The following PCP4L1 variants were observed in gnomAD, a reference collection of about 807,000 sequenced individuals.
PCP4L1 encodes the protein Purkinje cell protein 4-like protein 1.
PCP4L1 carries 9 observed loss-of-function variants against 9.6 expected under a neutral mutation model. The ratio of observed to expected loss-of-function variants is 0.94; its 90% CI spans 0.57 to 1.64. The LOEUF (loss-of-function observed/expected upper bound fraction) is 1.64. Ranked by LOEUF, PCP4L1 falls within the 40% of genes most tolerant of loss-of-function variation. PCP4L1 has a pLI of 0.00. For missense variants in PCP4L1, 81 were observed against 80.8 expected, an observed-to-expected ratio of 1.00 and a Z score of -0.01; for synonymous variants, 31 against 28.2, an observed-to-expected ratio of 1.10 and a Z score of -0.31.
chr1:161,276,406 G>A (rs192230145), intron 1 of PCP4L1, among the ~76,000 whole-genome samples: 138 of 152,262 alleles, frequency 9.1e-4, no homozygotes, highest in African/African-American at 3.1e-3. Context: ...ATATGGGCCT[G>A]GCGTGGTGGC....
chr1:161,259,011 G>A, intron 1 of PCP4L1, 28 bp downstream of exon 1: 1 of 1,528,942 alleles, frequency 6.5e-7, no homozygotes, highest in Non-Finnish European at 8.7e-7. Flanking sequence ...CGGCGCTGTC[G>A]GCAGGGCTGC....
chr1:161,280,066 A>C (rs1200065734), intron 1 of PCP4L1, among the ~76,000 whole-genome samples: 1 of 152,182 alleles, frequency 6.6e-6, no homozygotes, highest in Non-Finnish European at 1.5e-5. Context: ...GAGGGGCCTT[A>C]ATGTCTCCAG....
At chr1:161,272,162 A>G (rs1282467643) in intron 1 of PCP4L1, among the ~76,000 whole-genome samples, 1 of 147,920 alleles carries the variant, frequency 6.8e-6, no homozygotes, top group Non-Finnish European at 1.5e-5. Context: ...CATATAACTT[A>G]TAGTGATCAG....
intron 1 of PCP4L1, among the ~76,000 whole-genome samples, chr1:161,272,613 C>G (rs914537728): frequency 6.6e-6 from 1 of 151,128 alleles, no homozygotes; most frequent in Admixed American, 6.6e-5. Flanking sequence ...TCCTATTGTC[C>G]GAGACCTGCT....
In PCP4L1 at chr1:161,258,770, A is replaced by T; in HGVS notation, c.-205A>T. ...GAGCGGCTCTGACAGGACGGGTCGCAGGGGGTCGCCTGGCCGGAGCTGGGC... is the reference window on the plus strand; with the variant it reads ...GAGCGGCTCTGACAGGACGGGTCGCTGGGGGTCGCCTGGCCGGAGCTGGGC... On this transcript the variant is annotated 5_prime_UTR_variant, in exon 1 of 3. Transcript: ENST00000504449. The T allele has an allele frequency of 2.6e-6, 2 of 763,850 alleles. No individual in the cohort carries two copies. The highest frequency in any genetic ancestry group is 4.2e-6 in the Non-Finnish European group (2 of 472,098). The allele number at this position is 763,850 out of a possible 1,614,324, so 47.3% of individuals were successfully genotyped here.
rs752580065 is a variant in PCP4L1 at position 161,284,364 on chromosome 1, G to A, written c.90G>A (p.Ala30=). The A allele has an allele frequency of 1.5e-5, 24 of 1,609,048 alleles. No individual in the cohort carries two copies. Among genetic ancestry groups the A allele is most frequent in the Admixed American group, 6.7e-5 (4 of 59,880 alleles). The change falls in exon 3 of 3, where the codon GCG becomes GCA. Residue 30 remains alanine (A), a synonymous_variant. Coordinates refer to ENST00000504449, the MANE Select transcript of PCP4L1 (RefSeq NM_001102566.2). ...GAAAAGCTGGCAATGTCAAGAAGGC[G>A]GAGGAGGAGGAGGAGATTGACATTG... ...EKGKAGNVKK[A]EEEEEIDIDL... is the part of the protein sequence containing the mutation.
At chr1:161,260,220 C>T (rs1252849156) in intron 1 of PCP4L1, among the ~76,000 whole-genome samples, 1 of 152,130 alleles carries the variant, frequency 6.6e-6, no homozygotes, top group Non-Finnish European at 1.5e-5. Context: ...AAGTTGTCAC[C>T]CAGGGAGCTA....
chr1:161,268,551 C>CTTTTTTTTT (rs10654377), intron 1 of PCP4L1, among the ~76,000 whole-genome samples: 5 of 114,042 alleles, frequency 4.4e-5, no homozygotes, highest in Admixed American at 1.1e-4. Context: ...TTCCTTTTAC[C>CTTTTTTTTT]TTTTTTTTTT....
chr1:161,283,584 A>C (rs1173894051), intron 1 of PCP4L1, 84 bp from the exon 2 acceptor site: 2 of 1,247,314 alleles, frequency 1.6e-6, no homozygotes, highest in Non-Finnish European at 2.3e-6. Context: ...AGGGTTTGAG[A>C]GTATATAAGA....
At chr1:161,277,886 A>G (rs1011430554) in intron 1 of PCP4L1, among the ~76,000 whole-genome samples, 1 of 152,226 alleles carries the variant, frequency 6.6e-6, no homozygotes, top group African/African-American at 2.4e-5. Context: ...AGACAATGGA[A>G]ACAATCAGAA....
At chr1:161,271,714 G>C (rs1669627873) in intron 1 of PCP4L1, among the ~76,000 whole-genome samples, 1 of 152,158 alleles carries the variant, frequency 6.6e-6, no homozygotes, top group African/African-American at 2.4e-5. Flanking sequence ...ATGTTGGCCA[G>C]GCTGGTCTCC....
Position 161,259,050 on chromosome 1 carries a change from C to T in PCP4L1, c.9+67C>T. On this transcript the variant is annotated intron_variant, in intron 1 of 2. Coordinates refer to ENST00000504449, the MANE Select transcript of PCP4L1 (RefSeq NM_001102566.2). ...GGGGAGGGTGCTGCGGCTCGGGATC[C>T]CAGGGAGGCGAGGGAGAGCGAGGCA... The T allele has an allele frequency of 5.9e-6, 9 of 1,515,150 alleles. 1 individual carries two copies. In the South Asian group the frequency reaches 9.8e-5, roughly 17 times the overall value. 93.9% of individuals were successfully genotyped at this position (1,515,150 alleles called of 1,614,324 possible).
At chr1:161,281,976 A>G (rs1424442953) in intron 1 of PCP4L1, among the ~76,000 whole-genome samples, 1 of 152,048 alleles carries the variant, frequency 6.6e-6, no homozygotes, top group Non-Finnish European at 1.5e-5. Flanking sequence ...CTCACTTCCC[A>G]GATGGGGTGG....
At chr1:161,278,146 T>A (rs1669733052) in intron 1 of PCP4L1, among the ~76,000 whole-genome samples, 2 of 152,260 alleles carry the variant, frequency 1.3e-5, no homozygotes, top group South Asian at 4.1e-4. Flanking sequence ...AGCCCTCCCA[T>A]AACCCCACAT....
At chr1:161,273,972 A>C (rs1669663622) in intron 1 of PCP4L1, among the ~76,000 whole-genome samples, 1 of 152,206 alleles carries the variant, frequency 6.6e-6, no homozygotes, top group Non-Finnish European at 1.5e-5. Flanking sequence ...CTAGAGCCAG[A>C]CTGCCTGGGT....
At chr1:161,279,452 G>C (rs1021369111) in intron 1 of PCP4L1, among the ~76,000 whole-genome samples, 11 of 152,196 alleles carry the variant, frequency 7.2e-5, no homozygotes, top group African/African-American at 2.7e-4. Flanking sequence ...GAACAGTGCT[G>C]AACACAAGTA....
At chr1:161,269,609 G>A (rs1423255051) in intron 1 of PCP4L1, among the ~76,000 whole-genome samples, 4 of 152,192 alleles carry the variant, frequency 2.6e-5, no homozygotes, top group Non-Finnish European at 5.9e-5. Context: ...AGAACCATAT[G>A]CCAAGGTCCT....
chr1:161,279,281 T>C (rs935606881), intron 1 of PCP4L1, among the ~76,000 whole-genome samples: 5 of 152,266 alleles, frequency 3.3e-5, no homozygotes, highest in African/African-American at 1.2e-4. Flanking sequence ...TTTTCTTTCA[T>C]GGCATTTGTC....
rs981622668 is a variant in PCP4L1, at chr1:161,265,113, T to C, written c.9+6130T>C. On this transcript the variant is annotated intron_variant, in intron 1 of 2. Transcript: ENST00000504449. ...TTTCAATGTTCATCATTGATTCCCA[T>C]AATTGCAGGCAAGCAGGTGTCTAAG... Among the ~76,000 whole-genome samples the C allele has an allele frequency of 1.3e-5, 2 of 152,176 alleles. 1 individual carries two copies. Among genetic ancestry groups the C allele is most frequent in the Non-Finnish European group, 2.9e-5 (2 of 68,022 alleles).
Sources: gnomAD v4.1 joint callset for allele counts (sites outside exome capture counted in the v4.1 genomes callset) on GRCh38, gnomAD v4.1.1 for gene constraint, MANE v1.5 for transcripts, NCBI Gene and HGNC (gene_info 2026-07-23, HGNC 2026-07-21) for gene names.